Variants in TNNI3K observed in about 807,000 individuals in gnomAD.
TNNI3K encodes TNNI3 interacting kinase.
TNNI3K carries 140 observed loss-of-function variants against 114.5 expected under a neutral mutation model. The observed-to-expected ratio is 1.22, with a 90% CI of 1.07 to 1.41. The LOEUF (loss-of-function observed/expected upper bound fraction) is 1.41, where lower values mean the gene tolerates loss of function less well. Ranked by LOEUF, TNNI3K falls within the 40% of genes most tolerant of loss-of-function variation. The probability of loss-of-function intolerance (pLI) is 0.00; values close to 1 mark genes in which losing one functional copy is unlikely to be tolerated. For missense variants in TNNI3K, 1,125 were observed against 1,007.6 expected (o/e 1.12, Z -1.58); for synonymous variants, 347 against 347.5 (o/e 1.00, Z 0.02).
chr1:74,336,451 T>A (rs1316746820), intron 7 of TNNI3K, among the ~76,000 whole-genome samples: 2 of 151,966 alleles, frequency 1.3e-5, no homozygotes, highest in Non-Finnish European at 1.5e-5. Flanking sequence ...CTGCACCCAC[T>A]AACTCGTCAT....
At chr1:74,540,394 A>G in intron 24 of TNNI3K, 81 bp downstream of exon 24, 1 of 1,278,364 alleles carries the variant, frequency 7.8e-7, no homozygotes, top group South Asian at 1.4e-5. Context: ...GGGAGAAAGC[A>G]TTGCATATTG....
At chr1:74,309,381 A>AAAAAAAAAAAAAAG (rs1553129785) in intron 5 of TNNI3K, among the ~76,000 whole-genome samples, 8 of 143,962 alleles carry the variant, frequency 5.6e-5, no homozygotes, top group African/African-American at 1.9e-4. Context: ...AAAAAAAAAA[A>AAAAAAAAAAAAAAG]GAAGAGATAA....
intron 23 of TNNI3K, chr1:74,512,563 A>G (rs1291014673): frequency 6.6e-6 from 1 of 152,226 alleles, no homozygotes; most frequent in Non-Finnish European, 1.5e-5. Context: ...GAATCTCTAC[A>G]TTAAAAGGTG....
intron 11 of TNNI3K, among the ~76,000 whole-genome samples, chr1:74,362,334 A>T (rs948900707): frequency 4.6e-5 from 7 of 152,128 alleles, no homozygotes; most frequent in Non-Finnish European, 4.4e-5. Flanking sequence ...TCCTTTGATG[A>T]CCTGAGCATG....
At chr1:74,516,544 G>C (rs11210474) in intron 23 of TNNI3K, among the ~76,000 whole-genome samples, 12,398 of 152,042 alleles carry the variant, frequency 0.082, 1,117 homozygotes, top group African/African-American at 0.22. Flanking sequence ...CCTATATGAG[G>C]CAGGGAGCAA....
intron 17 of TNNI3K, chr1:74,374,568 C>A (rs1418672046): frequency 6.6e-6 from 1 of 151,890 alleles, no homozygotes; most frequent in Non-Finnish European, 1.5e-5. Flanking sequence ...GTACTTTAAT[C>A]TTTTAAAAAG....
At chr1:74,284,757 C>T (rs550527861) in intron 5 of TNNI3K, among the ~76,000 whole-genome samples, 1 of 152,140 alleles carries the variant, frequency 6.6e-6, no homozygotes, top group African/African-American at 2.4e-5. Context: ...AAAATCAGAC[C>T]TTGGCGATGA....
At chr1:74,436,015 C>T in intron 17 of TNNI3K, 65 bp from the exon 18 acceptor site, 1 of 1,551,966 alleles carries the variant, frequency 6.4e-7, no homozygotes. Flanking sequence ...CTTTGAGGGG[C>T]CAATTAGATT....
At chr1:74,365,903 T>C (rs924163871) in intron 11 of TNNI3K, among the ~76,000 whole-genome samples, 5 of 151,938 alleles carry the variant, frequency 3.3e-5, no homozygotes, top group African/African-American at 1.2e-4. Context: ...TTTTTAACTA[T>C]GTAGATTTAA....
intron 20 of TNNI3K, among the ~76,000 whole-genome samples, chr1:74,442,953 A>G (rs1178901399): frequency 7.9e-5 from 12 of 152,138 alleles, no homozygotes; most frequent in Admixed American, 7.9e-4. Context: ...TCAAGAAGTT[A>G]TTTGAAACCA....
chr1:74,319,127 G>A lies in TNNI3K; in HGVS notation c.445-12323G>A, dbSNP rs1659473144. 2.6e-5 allele frequency among the ~76,000 whole-genome samples: 4 copies of A among 152,262 alleles called. No individual in the cohort carries two copies. The South Asian group carries it at 8.3e-4, about 32-fold the overall frequency. On this transcript the variant is annotated intron_variant, in intron 5 of 24. Coordinates refer to ENST00000326637, the MANE Select transcript of TNNI3K (RefSeq NM_015978.3). ...TCAGAAGACTGCAGTAAAAGTGTCG[G>A]GTGAGGCTGTAGCCATGTCAGTGAG...
chr1:74,469,662 C>T, intron 21 of TNNI3K: 1 of 358,938 alleles, frequency 2.8e-6, no homozygotes. Flanking sequence ...GAGAAGCATA[C>T]TCAGTTAATT....
intron 4 of TNNI3K, among the ~76,000 whole-genome samples, chr1:74,261,586 C>A (rs1655678548): frequency 6.6e-6 from 1 of 151,978 alleles, no homozygotes; most frequent in African/African-American, 2.4e-5. Flanking sequence ...AAACACAAGA[C>A]TTTGGGGAAA....
chr1:74,385,876 T>G (rs1445312297), intron 17 of TNNI3K, among the ~76,000 whole-genome samples: 2 of 152,230 alleles, frequency 1.3e-5, no homozygotes, highest in East Asian at 3.9e-4. Context: ...AGGAAAGGCC[T>G]AGAGTATTTA....
intron 23 of TNNI3K, among the ~76,000 whole-genome samples, chr1:74,538,381 G>C (rs971029323): frequency 5.7e-4 from 86 of 152,108 alleles, no homozygotes; most frequent in African/African-American, 1.7e-3. Context: ...GTCATTTAAG[G>C]ATCTATTAAT....
At chr1:74,320,786 G>A (rs1466009800) in intron 5 of TNNI3K, among the ~76,000 whole-genome samples, 1 of 152,106 alleles carries the variant, frequency 6.6e-6, no homozygotes, top group Non-Finnish European at 1.5e-5. Flanking sequence ...GTGTAATTTA[G>A]AAGTTGATTT....
intron 17 of TNNI3K, among the ~76,000 whole-genome samples, chr1:74,382,031 A>C (rs1365535677): frequency 2.0e-5 from 3 of 152,174 alleles, no homozygotes; most frequent in Non-Finnish European, 4.4e-5. Flanking sequence ...CTCAAGTAGC[A>C]CTCAGCGACT....
intron 17 of TNNI3K, among the ~76,000 whole-genome samples, chr1:74,421,199 T>G (rs907493461): frequency 2.0e-5 from 3 of 152,152 alleles, no homozygotes; most frequent in African/African-American, 7.2e-5. Flanking sequence ...ACTGCCAGCA[T>G]GAATAACGTT....
intron 7 of TNNI3K, among the ~76,000 whole-genome samples, chr1:74,337,637 A>G (rs1017597422): frequency 6.6e-6 from 1 of 152,130 alleles, no homozygotes; most frequent in Admixed American, 6.6e-5. Flanking sequence ...GTATACATCC[A>G]TTGAAAACCA....
Sources: allele counts gnomAD v4.1 joint callset (sites outside exome capture counted in the v4.1 genomes callset), GRCh38; gene constraint gnomAD v4.1.1; transcripts MANE v1.5; gene names NCBI Gene and HGNC (gene_info 2026-07-23, HGNC 2026-07-21).